Variants in SASH3 observed in about 807,000 individuals in gnomAD.
The protein encoded by SASH3 is SAM and SH3 domain-containing protein 3.
Under a neutral mutation model 26.1 loss-of-function variants are expected in SASH3, and 7 were observed. That is an observed-to-expected ratio of 0.27 (90% CI 0.15 to 0.50). The LOEUF (loss-of-function observed/expected upper bound fraction) is 0.50. SASH3 is among the 20% of genes least tolerant of loss of function. The pLI, the probability that SASH3 is intolerant of heterozygous loss-of-function variation, is 0.98. For synonymous variants in SASH3, 138 were observed against 136.8 expected (o/e 1.01, Z -0.06); for missense variants, 231 against 318.3 (o/e 0.73, Z 2.09).
At chrX:129,790,660 G>T (rs960181016) in intron 3 of SASH3, among the ~76,000 whole-genome samples, 2 of 111,271 alleles carry the variant, frequency 1.8e-5, no homozygotes, top group African/African-American at 6.5e-5. Flanking sequence ...TGCCACCGTG[G>T]TCTTTTCTGT....
At chrX:129,780,233 G>A in intron 1 of SASH3, 79 bp downstream of exon 1, 2 of 979,347 alleles carry the variant, frequency 2.0e-6, no homozygotes, top group Non-Finnish European at 2.9e-6. Context: ...TTGGAAGTGG[G>A]AAGAGCCAAA....
intron 3 of SASH3, among the ~76,000 whole-genome samples, chrX:129,789,389 T>C (rs1465748165): frequency 1.1e-4 from 12 of 109,348 alleles, no homozygotes; most frequent in Non-Finnish European, 1.9e-5. Context: ...TCCCAGCACT[T>C]TGAGAGGCCA....
At chrX:129,787,906 G>A (rs1284791445) in intron 1 of SASH3, 69 bp from the exon 2 acceptor site, 1 of 805,106 alleles carries the variant, frequency 1.2e-6, no homozygotes, top group South Asian at 2.2e-5. Flanking sequence ...GTGTGGTGGG[G>A]GGAGGCGAGT....
chrX:129,791,676 G>A (rs752190158), intron 4 of SASH3, among the ~76,000 whole-genome samples: 1 of 111,894 alleles, frequency 8.9e-6, no homozygotes, highest in South Asian at 3.8e-4. Flanking sequence ...ATTCAGCACC[G>A]CCTTTCTTGC....
At chrX:129,791,145 T>C in intron 4 of SASH3, 64 bp downstream of exon 4, 2 of 1,120,505 alleles carry the variant, frequency 1.8e-6, no homozygotes, top group Non-Finnish European at 2.4e-6. Flanking sequence ...ACAGCCGTGC[T>C]GGTGGCACAC....
intron 4 of SASH3, among the ~76,000 whole-genome samples, chrX:129,791,897 G>A (rs979540744): frequency 2.7e-5 from 3 of 112,169 alleles, no homozygotes; most frequent in Non-Finnish European, 5.6e-5. Flanking sequence ...TGGAGGGAGC[G>A]TTGGAGTGGG....
chrX:129,782,020 A>G (rs1452666221), intron 1 of SASH3, among the ~76,000 whole-genome samples: 2 of 112,539 alleles, frequency 1.8e-5, no homozygotes, highest in African/African-American at 6.5e-5. Context: ...AGAGGAAAGC[A>G]CAAAGGCAAG....
chrX:129,795,056 C>T lies in SASH3; in HGVS notation c.*1224C>T, dbSNP rs746394944. On this transcript the variant is annotated 3_prime_UTR_variant, in exon 8 of 8. Transcript: ENST00000356892. ...GCCTGGGGACAAACAGCGTCCACTA[C>T]ATCTAGGACTGCCGGCTAAGTGGAC... 9.0e-6 allele frequency: 1 copy of T among 111,570 alleles called. No individual in the cohort carries two copies. The highest frequency in any genetic ancestry group is 2.8e-4 in the East Asian group (1 of 3,538). The allele number at this position is 111,570 out of a possible 1,213,427, so 9.2% of individuals were successfully genotyped here. A position where few individuals can be genotyped will look rare whatever the true frequency, so the allele number is the denominator to read the frequency against.
intron 1 of SASH3, among the ~76,000 whole-genome samples, chrX:129,780,707 G>A (rs1045624277): frequency 8.0e-5 from 9 of 112,975 alleles, no homozygotes; most frequent in African/African-American, 2.9e-4. Context: ...GGCCCTACCC[G>A]AGATGGAGCC....
rs1268978699 is a variant in SASH3, at chrX:129,792,341, C to A, written c.456C>A (p.Cys152Ter). The A allele has an allele frequency of 8.3e-7, 1 of 1,206,658 alleles. No individual in the cohort carries two copies. ...SRQASTGSEL[C>*]SPSPGSGSFG... ...CATCTCCTGCAGGCAGTGAGCTCTG[C>A]AGCCCCAGCCCAGGTTCTGGCAGCT... The change falls in exon 5 of 8, where the codon TGC becomes TGA. Residue 152 changes from cysteine to a stop codon, truncating the protein, a stop_gained. Coordinates refer to ENST00000356892, the MANE Select transcript of SASH3 (RefSeq NM_018990.4). LOFTEE classifies it high-confidence loss of function.
rs1164664836 is a variant in SASH3 at position 129,793,833 on chromosome X, G to C, written c.*1G>C. 1 of 1,174,106 alleles carries C rather than the reference G, an allele frequency of 8.5e-7. No individual in the cohort carries two copies. On this transcript the variant is annotated 3_prime_UTR_variant, in exon 8 of 8. Coordinates refer to ENST00000356892, the MANE Select transcript of SASH3 (RefSeq NM_018990.4). ...CCTCTCCCTGGCCGGGGCACCTTGA[G>C]GTGGCGGTGGCAATAGGCCAAGGCT... is the stretch of plus-strand genomic sequence containing the variant.
intron 3 of SASH3, among the ~76,000 whole-genome samples, chrX:129,789,540 G>A (rs1052580334): frequency 2.7e-5 from 3 of 111,606 alleles, no homozygotes; most frequent in Non-Finnish European, 5.7e-5. Context: ...GGGAGGCTAA[G>A]GCAGGAGAAT....
intron 1 of SASH3, among the ~76,000 whole-genome samples, chrX:129,781,827 G>A (rs370584325): frequency 8.9e-6 from 1 of 112,196 alleles, no homozygotes; most frequent in Non-Finnish European, 1.9e-5. Context: ...TGCCAGAGCC[G>A]GTGCCAGCCT....
rs1482067280 is a variant in SASH3 at position 129,793,635 on chromosome X, C to G, written c.953-7C>G. 8.3e-7 allele frequency: 1 copy of G among 1,209,580 alleles called. No individual in the cohort carries two copies. The highest frequency in any genetic ancestry group is 1.7e-5 in the African/African-American group (1 of 57,921). On this transcript the variant is annotated splice_region_variant and splice_polypyrimidine_tract_variant and intron_variant, in intron 7 of 7. Transcript: ENST00000356892. The stretch of plus-strand genomic sequence containing the variant: ...CATATTCTGTCTCCCTCTCTCGTCC[C>G]TGGCAGCTGGCAGTGAGGAGGCTGA...
rs1366188027 is a variant in SASH3, at chrX:129,787,108, C to G, written c.58-867C>G. The stretch of plus-strand genomic sequence containing the variant: ...CCTGAGGTCAGGAGTTCGAGACCAG[C>G]CTGACCAACATGGTGAAACCCCGTC... On this transcript the variant is annotated intron_variant, in intron 1 of 7. Transcript: ENST00000356892. Among the ~76,000 whole-genome samples, 3 of 111,085 alleles carry G rather than the reference C, an allele frequency of 2.7e-5. No individual in the cohort carries two copies. In the South Asian group the frequency reaches 1.1e-3, roughly 42 times the overall value.
chrX:129,789,167 G>GA lies in SASH3; in HGVS notation c.300+604dup, dbSNP rs201181364. On this transcript the variant is annotated intron_variant, in intron 3 of 7. Transcript: ENST00000356892. The stretch of plus-strand genomic sequence containing the variant: ...AAAGAAAGAAAGAAAGAAAGAAAGA[G>GA]AAAAAAAAAAAAAAGAAAAGTCTGG... Among the ~76,000 whole-genome samples the GA allele has an allele frequency of 1.9e-3, 26 of 13,790 alleles. 3 individuals are homozygous for GA. The highest frequency in any genetic ancestry group is 7.0e-3 in the African/African-American group (20 of 2,844). 12.0% of individuals were successfully genotyped at this position (13,790 alleles called of 115,157 possible).
chrX:129,788,124 T>TGGGGGGGGGGGGCGGGGGGGGGGGGGG, intron 2 of SASH3, 54 bp downstream of exon 2: 1 of 146,473 alleles, frequency 6.8e-6, no homozygotes, highest in Non-Finnish European at 1.4e-5. Context: ...GGCAGGGGGG[T>TGGGGGGGGGGGGCGGGGGGGGGGGGGG]GGGGGTGGGA....
At chrX:129,788,313 G>A in intron 2 of SASH3, 118 bp from the exon 3 acceptor site, 1 of 728,829 alleles carries the variant, frequency 1.4e-6, no homozygotes, top group South Asian at 2.5e-5. Flanking sequence ...GAGGGGATGG[G>A]GGCCTCTCAG....
At chrX:129,780,547 G>A (rs777299671) in intron 1 of SASH3, among the ~76,000 whole-genome samples, 7 of 112,579 alleles carry the variant, frequency 6.2e-5, no homozygotes, top group Non-Finnish European at 1.1e-4. Flanking sequence ...CTTCTGCCCC[G>A]GCCACGGCCT....
Sources: gnomAD v4.1 joint callset for allele counts (sites outside exome capture counted in the v4.1 genomes callset) on GRCh38, gnomAD v4.1.1 for gene constraint, MANE v1.5 for transcripts, NCBI Gene and HGNC (gene_info 2026-07-23, HGNC 2026-07-21) for gene names.